The following EYS variants were observed in gnomAD, a reference collection of about 807,000 sequenced individuals.
EYS encodes protein eyes shut homolog.
A neutral mutation model predicts 282.1 loss-of-function variants in EYS; 250 were observed. The observed-to-expected ratio is 0.89, with a 90% confidence interval of 0.80 to 0.98. The LOEUF (loss-of-function observed/expected upper bound fraction) is 0.98, where lower values mean the gene tolerates loss of function less well. Ranked by LOEUF, EYS falls within the 50% of genes least tolerant of loss-of-function variation. The pLI, the probability that EYS is intolerant of heterozygous loss-of-function variation, is 0.00. For missense variants in EYS, 4,016 were observed against 3,709.0 expected (o/e 1.08, Z -2.15); for synonymous variants, 1,355 against 1,282.9 (o/e 1.06, Z -1.20).
At chr6:64,343,463 T>A (rs1771221217) in intron 29 of EYS, among the ~76,000 whole-genome samples, 1 of 152,034 alleles carries the variant, frequency 6.6e-6, no homozygotes, top group South Asian at 2.1e-4. Context: ...GACTACTGGA[T>A]ACATAATGAA....
chr6:65,454,373 C>T (rs185864307), intron 5 of EYS, among the ~76,000 whole-genome samples: 12 of 151,764 alleles, frequency 7.9e-5, no homozygotes, highest in Admixed American at 6.6e-4. Flanking sequence ...TGTTCTTTTG[C>T]TGTTAAATTT....
In EYS at chr6:65,127,910, C is replaced by T. The variant is rs1257678312; in HGVS notation, c.2024-70183G>A. Among the ~76,000 whole-genome samples, 3 of 152,004 alleles carry T rather than the reference C, an allele frequency of 2.0e-5. No individual in the cohort carries two copies. In the East Asian group the frequency reaches 5.8e-4, roughly 29 times the overall value. The stretch of plus-strand genomic sequence containing the variant: ...TTTATCTTCCTATAAATTGCTTGTA[C>T]AATACTTTATTTTATCTTCCTATAA... On this transcript the variant is annotated intron_variant, in intron 12 of 42. Coordinates refer to ENST00000503581, the MANE Select transcript of EYS (RefSeq NM_001142800.2).
At chr6:65,053,518 T>G (rs182561432) in intron 13 of EYS, among the ~76,000 whole-genome samples, 1 of 151,850 alleles carries the variant, frequency 6.6e-6, no homozygotes, top group Admixed American at 6.6e-5. Context: ...TATATGTTCA[T>G]GCAAATAAGC....
At chr6:65,309,426 G>A (rs542609306) in intron 11 of EYS, among the ~76,000 whole-genome samples, 19 of 152,232 alleles carry the variant, frequency 1.2e-4, no homozygotes, top group African/African-American at 4.6e-4. Flanking sequence ...TGGGAAACAT[G>A]GGGCCTGATA....
At chr6:65,082,122 G>A (rs1015906416) in intron 12 of EYS, among the ~76,000 whole-genome samples, 5 of 152,026 alleles carry the variant, frequency 3.3e-5, no homozygotes, top group Non-Finnish European at 7.4e-5. Context: ...TCACAGGAAG[G>A]TTGACAAGTA....
At chr6:64,946,048 C>T in intron 14 of EYS, 134 bp from the exon 15 acceptor site, 1 of 612,780 alleles carries the variant, frequency 1.6e-6, no homozygotes, top group Non-Finnish European at 2.6e-6. Flanking sequence ...CCAATACTCC[C>T]CCCAAATGAC....
At chr6:63,906,796 C>A (rs1334166359) in intron 35 of EYS, among the ~76,000 whole-genome samples, 3 of 151,716 alleles carry the variant, frequency 2.0e-5, no homozygotes, top group Non-Finnish European at 4.4e-5. Context: ...AAAACTGTTT[C>A]TTGCTTTTAT....
At chr6:65,039,090 T>A (rs1772853797) in intron 13 of EYS, among the ~76,000 whole-genome samples, 1 of 151,466 alleles carries the variant, frequency 6.6e-6, no homozygotes, top group Admixed American at 6.6e-5. Context: ...AATACAAAAA[T>A]TCCTACTCCT....
intron 35 of EYS, among the ~76,000 whole-genome samples, chr6:63,981,404 C>G (rs1767085821): frequency 6.6e-6 from 1 of 151,736 alleles, no homozygotes; most frequent in Admixed American, 6.6e-5. Context: ...TGGAACTGGC[C>G]AACTCCACTG....
At chr6:63,884,905 C>T (rs780513276) in intron 35 of EYS, among the ~76,000 whole-genome samples, 1 of 151,604 alleles carries the variant, frequency 6.6e-6, no homozygotes, top group Non-Finnish European at 1.5e-5. Flanking sequence ...TATCAGCTGT[C>T]GTAGAAATAA....
chr6:65,459,961 G>T (rs368697367), intron 5 of EYS, among the ~76,000 whole-genome samples: 32 of 89,026 alleles, frequency 3.6e-4, no homozygotes, highest in Non-Finnish European at 4.1e-4. Context: ...GTGTGTGTTT[G>T]TGTATTTTAT....
Position 64,515,294 on chromosome 6 carries a change from A to G in EYS, c.5644+74929T>C, listed in dbSNP as rs966484199. Among the ~76,000 whole-genome samples the G allele has an allele frequency of 7.2e-5, 11 of 151,760 alleles. No homozygotes were observed. In the East Asian group the frequency reaches 1.2e-3, roughly 16 times the overall value. ...CCTTACTTTCTGTAAGAATAAGAAA[A>G]TATCTTGACTAAGCCTACAGATTTA... On this transcript the variant is annotated intron_variant, in intron 26 of 42. Transcript: ENST00000503581.
rs1048030975 is a variant in EYS at position 64,816,357 on chromosome 6, T to C, written c.3244-2780A>G. Among the ~76,000 whole-genome samples, 9 of 152,110 alleles carry C rather than the reference T, an allele frequency of 5.9e-5. No individual in the cohort carries two copies. The South Asian group carries it at 6.2e-4, about 10-fold the overall frequency. On this transcript the variant is annotated intron_variant, in intron 21 of 42. Transcript: ENST00000503581. ...GGCTTTTACTTTGCAAGCTGCAGGA[T>C]TGGGCAATCCAAAAGACTGAGAACT... is the stretch of plus-strand genomic sequence containing the variant.
At position 64,303,532 on chromosome 6, in the gene EYS, G is replaced by T. The variant is rs532077193; in HGVS notation, c.6191+3438C>A. Among the ~76,000 whole-genome samples, 6 of 152,264 alleles carry T rather than the reference G, an allele frequency of 3.9e-5. No individual in the cohort carries two copies. The East Asian group carries it at 7.8e-4, about 20-fold the overall frequency. On this transcript the variant is annotated intron_variant, in intron 30 of 42. Transcript: ENST00000503581. ...AAATAAACACAAACCTTATTAGAAGGTCAGTAGGTTTTGTAAAAGCCTTAG... is the reference window on the plus strand; with the variant it reads ...AAATAAACACAAACCTTATTAGAAGTTCAGTAGGTTTTGTAAAAGCCTTAG...
chr6:63,904,327 C>T (rs919302042), intron 35 of EYS, among the ~76,000 whole-genome samples: 1 of 152,108 alleles, frequency 6.6e-6, no homozygotes, highest in African/African-American at 2.4e-5. Context: ...TTGACTTACC[C>T]AACCTTTTTT....
At chr6:63,781,444 C>A (rs1369333263) in intron 39 of EYS, among the ~76,000 whole-genome samples, 1 of 152,090 alleles carries the variant, frequency 6.6e-6, no homozygotes, top group Non-Finnish European at 1.5e-5. Context: ...GTTTGTAGTT[C>A]TCCTTGAAGA....
intron 22 of EYS, among the ~76,000 whole-genome samples, chr6:64,732,061 A>G (rs1299812443): frequency 6.6e-6 from 1 of 152,178 alleles, no homozygotes; most frequent in African/African-American, 2.4e-5. Context: ...TAACAGAGGA[A>G]CAGAAAACCA....
At chr6:64,445,303 A>T (rs1775083382) in intron 26 of EYS, among the ~76,000 whole-genome samples, 1 of 152,180 alleles carries the variant, frequency 6.6e-6, no homozygotes. Flanking sequence ...AGAAAACATA[A>T]ATACTGAGAT....
chr6:64,167,419 C>T (rs116384345), intron 31 of EYS, among the ~76,000 whole-genome samples: 4,598 of 152,168 alleles, frequency 0.03, 228 homozygotes, highest in African/African-American at 0.1. Flanking sequence ...TATGACAATG[C>T]CAATATTCAG....
Sources: allele counts gnomAD v4.1 joint callset (sites outside exome capture counted in the v4.1 genomes callset), GRCh38; gene constraint gnomAD v4.1.1; transcripts MANE v1.5; gene names NCBI Gene and HGNC (gene_info 2026-07-23, HGNC 2026-07-21).